Variants in UMODL1 observed in about 807,000 individuals in gnomAD.
The protein encoded by UMODL1 is uromodulin like 1.
A neutral mutation model predicts 136.3 loss-of-function variants in UMODL1; 128 were observed. The observed-to-expected ratio is 0.94, with a 90% CI of 0.81 to 1.09. The LOEUF (loss-of-function observed/expected upper bound fraction) is 1.09, where lower values mean the gene tolerates loss of function less well. Among genes scored for constraint, UMODL1 ranks in the 50% least tolerant of loss-of-function variants. UMODL1 has a pLI of 0.00. For missense variants in UMODL1, 1,766 were observed against 1,725.6 expected (o/e 1.02, Z -0.41); for synonymous variants, 721 against 720.0 (o/e 1.00, Z -0.02).
Position 42,123,241 on chromosome 21 carries a change from C to A in UMODL1, c.3147+91C>A. On this transcript the variant is annotated intron_variant, in intron 17 of 22. Transcript: ENST00000408910. The surrounding 1 kb of genome is among the most constrained non-coding windows in gnomAD (Gnocchi z 4.4). ...CTCGATGTGGGAGGGCCAGGCAAGA[C>A]TCTGCACCCCGAGGGGAACCCAGCA... The A allele has an allele frequency of 1.4e-6, 2 of 1,420,720 alleles. No individual in the cohort carries two copies. Among genetic ancestry groups the A allele is most frequent in the Non-Finnish European group, 1.9e-6 (2 of 1,057,620 alleles). 88.0% of individuals were successfully genotyped at this position (1,420,720 alleles called of 1,614,324 possible).
At chr21:42,094,211 C>T (rs1236781884) in intron 6 of UMODL1, among the ~76,000 whole-genome samples, 2 of 152,216 alleles carry the variant, frequency 1.3e-5, no homozygotes, top group Admixed American at 6.5e-5. Flanking sequence ...TGCGCGGCCC[C>T]AGCTTCACTT....
intron 14 of UMODL1, among the ~76,000 whole-genome samples, chr21:42,117,652 T>A (rs1361680967): frequency 6.6e-6 from 1 of 152,244 alleles, no homozygotes; most frequent in African/African-American, 2.4e-5. Flanking sequence ...GTAGCAGGGC[T>A]GCAAACCCCA....
At position 42,071,411 on chromosome 21, in the gene UMODL1, G is replaced by A. The variant is rs781604366; in HGVS notation, c.76+19G>A. Reference sequence around the variant, plus strand: ...TTCACAGGTGAGGGGTCTGGGCTTGGCATGGGCAGTTCTTAAGGACAGGGG... The same window carrying A: ...TTCACAGGTGAGGGGTCTGGGCTTGACATGGGCAGTTCTTAAGGACAGGGG... On this transcript the variant is annotated intron_variant, in intron 1 of 22. Transcript: ENST00000408910. The A allele has an allele frequency of 1.3e-6, 2 of 1,562,822 alleles. No individual in the cohort carries two copies. Among genetic ancestry groups the A allele is most frequent in the East Asian group, 2.4e-5 (1 of 41,718 alleles).
intron 6 of UMODL1, among the ~76,000 whole-genome samples, chr21:42,098,497 G>A (rs897000787): frequency 1.3e-5 from 2 of 152,254 alleles, no homozygotes; most frequent in South Asian, 2.1e-4. Flanking sequence ...GGTCAGGTGC[G>A]GTGGCGCACA....
rs776137674 is a variant in UMODL1, at chr21:42,113,597, T to C, written c.2129T>C (p.Met710Thr). 9.3e-6 allele frequency: 15 copies of C among 1,613,862 alleles called. No individual in the cohort carries two copies. Among genetic ancestry groups the C allele is most frequent in the Middle Eastern group, 1.6e-4 (1 of 6,082 alleles). Residue 710 changes from methionine to threonine, a missense_variant, in exon 13 of 23, where the codon ATG (methionine) becomes ACG (threonine). By Grantham distance (81) the Met-to-Thr change is moderately conservative (BLOSUM62 -1). Coordinates refer to ENST00000408910, the MANE Select transcript of UMODL1 (RefSeq NM_001004416.3). ...ACVPVSIGRI[M>T]VSNVTSTGFH... ...GTTCCTGTCTCCATTGGGAGGATCA[T>C]GGTCTCCAATGTGACCAGCACCGGC... is the stretch of plus-strand genomic sequence containing the variant.
intron 2 of UMODL1, among the ~76,000 whole-genome samples, chr21:42,081,957 G>A (rs1468026160): frequency 6.6e-6 from 1 of 152,196 alleles, no homozygotes; most frequent in Non-Finnish European, 1.5e-5. Flanking sequence ...CAGGCTCCTG[G>A]CGTTGCCCTC....
chr21:42,127,935 C>G, intron 20 of UMODL1, 104 bp downstream of exon 20: 2 of 1,486,684 alleles, frequency 1.3e-6, no homozygotes, highest in Non-Finnish European at 1.9e-6. Context: ...TGGCTCGGGG[C>G]CAACCTCTGG....
At chr21:42,092,547 A>T (rs115728199) in intron 6 of UMODL1, among the ~76,000 whole-genome samples, 3 of 152,218 alleles carry the variant, frequency 2.0e-5, no homozygotes, top group African/African-American at 7.2e-5. Flanking sequence ...TTTCTAAAGC[A>T]ATCATATAAT....
rs143779646 is a variant in UMODL1 at position 42,127,341 on chromosome 21, C to T, written c.3530+99C>T. ...ATGCAGACATCCCCATCCAGCAATG[C>T]CCAGGGCTTCATTAACAATAGGTAG... is the stretch of plus-strand genomic sequence containing the variant. On this transcript the variant is annotated intron_variant, in intron 19 of 22. Transcript: ENST00000408910. 290 of 1,138,432 alleles carry T rather than the reference C, an allele frequency of 2.5e-4. 2 individuals carry two copies. In the African/African-American group the frequency reaches 3.8e-3, roughly 15 times the overall value. The allele number at this position is 1,138,432 out of a possible 1,614,324, so 70.5% of individuals were successfully genotyped here. A position where few individuals can be genotyped will look rare whatever the true frequency, so the allele number is the denominator to read the frequency against.
At chr21:42,081,566 C>T (rs535723462) in intron 2 of UMODL1, among the ~76,000 whole-genome samples, 21 of 152,304 alleles carry the variant, frequency 1.4e-4, no homozygotes, top group East Asian at 7.7e-4. Context: ...CTTAAAAACA[C>T]GCCTCTGGTG....
chr21:42,138,064 G>A (rs1040073518), intron 22 of UMODL1, among the ~76,000 whole-genome samples: 2 of 152,094 alleles, frequency 1.3e-5, no homozygotes, highest in East Asian at 3.9e-4. Context: ...TGCTATATGG[G>A]TGACCACAGG....
upstream of UMODL1, among the ~76,000 whole-genome samples, chr21:42,068,670 G>T (rs2066202943): frequency 6.6e-6 from 1 of 152,200 alleles, no homozygotes; most frequent in Non-Finnish European, 1.5e-5. The surrounding 1 kb of genome is among the most constrained non-coding windows in gnomAD (Gnocchi z 5.5). Context: ...GTGAATATGT[G>T]TACATGTGTT....
chr21:42,110,086 C>T (rs2066797795), intron 10 of UMODL1, among the ~76,000 whole-genome samples: 1 of 144,840 alleles, frequency 6.9e-6, no homozygotes, highest in Non-Finnish European at 1.5e-5. Flanking sequence ...AGGGTGTGGC[C>T]TGGAGCCCGA....
At chr21:42,086,445 C>A (rs2066427660) in intron 4 of UMODL1, 1 of 445,868 alleles carries the variant, frequency 2.2e-6, no homozygotes, top group African/African-American at 2.0e-5. Flanking sequence ...TTGTTCTGGG[C>A]TGCTGGCCAG....
chr21:42,118,882 T>TG (rs2066932018), intron 14 of UMODL1, among the ~76,000 whole-genome samples: 1 of 90,296 alleles, frequency 1.1e-5, no homozygotes, highest in African/African-American at 3.6e-5. Context: ...CGTTTACTGG[T>TG]TTGGGGGGGG....
In UMODL1 at chr21:42,104,004, G is replaced by A. The variant is rs1308208500; in HGVS notation, c.1436G>A (p.Gly479Asp). Residue 479 changes from glycine (G) to aspartate (D), a missense_variant, in exon 9 of 23, where the codon GGC (glycine) becomes GAC (aspartate). Physicochemically the swap from Gly to Asp is moderately conservative, Grantham distance 94. Transcript: ENST00000408910. ...LTVQDPGFPMGISTLAPILQP... is the reference protein window; with the variant it reads ...LTVQDPGFPMDISTLAPILQP... ...GTGCAGGACCCCGGGTTTCCCATGG[G>A]CATCTCCACGCTGGCCCCCATACTC... is the stretch of plus-strand genomic sequence containing the variant. 2 of 1,614,016 alleles carry A rather than the reference G, an allele frequency of 1.2e-6. No homozygotes were observed. Among genetic ancestry groups the A allele is most frequent in the Middle Eastern group, 1.6e-4 (1 of 6,062 alleles).
chr21:42,099,123 AAGACCAGCTACC>A lies in UMODL1; in HGVS notation c.1132_1143del (p.Thr378_Gln381del). On this transcript the variant is annotated inframe_deletion, in exon 7 of 23. Transcript: ENST00000408910. The surrounding 1 kb of genome is among the most constrained non-coding windows in gnomAD (Gnocchi z 4.1). Reference sequence around the variant, plus strand: ...GGAGGCTGGAGTGCTGTACAGGGTGAAGACCAGCTACCAGGGGTGCGGGGCCGACGTCTCCAC... The same window carrying A: ...GGAGGCTGGAGTGCTGTACAGGGTGAAGGGGTGCGGGGCCGACGTCTCCAC... The A allele has an allele frequency of 1.2e-6, 2 of 1,613,956 alleles. No individual in the cohort carries two copies. Among genetic ancestry groups the A allele is most frequent in the Non-Finnish European group, 8.5e-7 (1 of 1,180,018 alleles).
rs1455631621 is a variant in UMODL1 at position 42,126,483 on chromosome 21, G to T, written c.3286G>T (p.Glu1096Ter). The T allele has an allele frequency of 7.4e-6, 12 of 1,614,242 alleles. No individual in the cohort carries two copies. Among genetic ancestry groups the T allele is most frequent in the Admixed American group, 1.7e-5 (1 of 60,030 alleles). The change falls in exon 18 of 23, where the codon GAG becomes TAG. Residue 1096 changes from glutamate (E) to a stop codon, truncating the protein, a stop_gained. Transcript: ENST00000408910. LOFTEE classifies it high-confidence loss of function. Reference protein sequence around the residue: ...DLLTSSGFTLEWGVYTIIEDL... With the variant: ...DLLTSSGFTL ...GCTGACATCCTCCGGCTTCACCCTGGAGTGGGGGTAAGGGAGAAATGCCCC... is the reference window on the plus strand; with the variant it reads ...GCTGACATCCTCCGGCTTCACCCTGTAGTGGGGGTAAGGGAGAAATGCCCC...
intron 21 of UMODL1, among the ~76,000 whole-genome samples, chr21:42,133,984 C>A (rs1270421077): frequency 6.6e-6 from 1 of 152,210 alleles, no homozygotes; most frequent in East Asian, 1.9e-4. Flanking sequence ...GTGGCATGAT[C>A]TCGGCTCACT....
Sources: allele counts gnomAD v4.1 joint callset (sites outside exome capture counted in the v4.1 genomes callset), GRCh38; gene constraint gnomAD v4.1.1; non-coding constraint Gnocchi (gnomAD v3.1); transcripts MANE v1.5; gene names NCBI Gene and HGNC (gene_info 2026-07-23, HGNC 2026-07-21).